NT5M: variants seen among roughly 807,000 people sequenced by gnomAD.
NT5M encodes 5',3'-nucleotidase, mitochondrial.
NT5M carries 22 observed loss-of-function variants against 22.2 expected under a neutral mutation model. The observed-to-expected ratio is 0.99, with a 90% confidence interval of 0.71 to 1.41. The LOEUF is 1.41. Ranked by LOEUF, NT5M falls within the 40% of genes most tolerant of loss-of-function variation. The pLI is 0.00. For missense variants in NT5M, 322 were observed against 314.8 expected, an observed-to-expected ratio of 1.02 and a Z score of -0.17; for synonymous variants, 167 against 133.0, an observed-to-expected ratio of 1.26 and a Z score of -1.76.
chr17:17,329,098 C>T (rs1029631948), intron 3 of NT5M, among the ~76,000 whole-genome samples: 34 of 152,180 alleles, frequency 2.2e-4, no homozygotes, highest in Non-Finnish European at 4.6e-4. Context: ...CTGCCTCAGC[C>T]TCCCGAGTAG....
At chr17:17,321,519 G>A (rs2049150954) in intron 2 of NT5M, among the ~76,000 whole-genome samples, 1 of 151,864 alleles carries the variant, frequency 6.6e-6, no homozygotes, top group African/African-American at 2.4e-5. Context: ...CCACAAGAAG[G>A]TTGAGGAAAT....
chr17:17,318,012 G>T (rs2049068819), intron 2 of NT5M, among the ~76,000 whole-genome samples: 1 of 144,730 alleles, frequency 6.9e-6, no homozygotes, highest in Non-Finnish European at 1.5e-5. Context: ...GTATGAGCCA[G>T]CAATTCAACT....
chr17:17,331,033 G>C (rs1356197146), intron 3 of NT5M, among the ~76,000 whole-genome samples: 1 of 151,604 alleles, frequency 6.6e-6, no homozygotes, highest in Non-Finnish European at 1.5e-5. Flanking sequence ...TGAGCCACTG[G>C]ACCCGGCCTT....
intron 3 of NT5M, among the ~76,000 whole-genome samples, chr17:17,332,869 T>C (rs2049416394): frequency 6.6e-6 from 1 of 152,120 alleles, no homozygotes; most frequent in South Asian, 2.1e-4. Flanking sequence ...GGGGAGGCTG[T>C]GCGTTGTGTG....
chr17:17,306,342 C>T (rs189241777), intron 1 of NT5M, among the ~76,000 whole-genome samples: 4 of 152,272 alleles, frequency 2.6e-5, no homozygotes, highest in African/African-American at 4.8e-5. Flanking sequence ...TGGATCCCGA[C>T]GAAGTCAGGT....
At chr17:17,346,733 C>T in intron 4 of NT5M, 72 bp from the exon 5 acceptor site, 1 of 1,584,206 alleles carries the variant, frequency 6.3e-7, no homozygotes, top group Middle Eastern at 2.2e-4. Context: ...GCCTGGATAC[C>T]CAGGTTTCCA....
chr17:17,328,544 G>A (rs2049309320), intron 3 of NT5M, among the ~76,000 whole-genome samples: 1 of 152,146 alleles, frequency 6.6e-6, no homozygotes, highest in Admixed American at 6.5e-5. Flanking sequence ...GGGGAGGCAA[G>A]GAAGGGCTGG....
Position 17,306,525 on chromosome 17 carries a change from C to G in NT5M, c.268-18C>G. ...TGCTGAGGACCCTGGAAGTAACTTG[C>G]TTTTCTCAACTTCTCAGGAGAAGGC... On this transcript the variant is annotated intron_variant, in intron 1 of 4. Transcript: ENST00000389022. 1.3e-6 allele frequency: 2 copies of G among 1,597,732 alleles called. No individual in the cohort carries two copies. The highest frequency in any genetic ancestry group is 1.7e-6 in the Non-Finnish European group (2 of 1,165,292).
chr17:17,346,604 T>C (rs2049763135), intron 4 of NT5M, among the ~76,000 whole-genome samples: 1 of 152,218 alleles, frequency 6.6e-6, no homozygotes. Flanking sequence ...GAGCACTGGC[T>C]GCGCGTGCTG....
intron 3 of NT5M, among the ~76,000 whole-genome samples, chr17:17,339,918 T>C (rs976611513): frequency 6.6e-6 from 1 of 152,222 alleles, no homozygotes; most frequent in African/African-American, 2.4e-5. Flanking sequence ...TATTTATCAA[T>C]GATATTGGCC....
chr17:17,334,479 T>TG (rs1567896600), intron 3 of NT5M, among the ~76,000 whole-genome samples: 1 of 71,366 alleles, frequency 1.4e-5, no homozygotes, highest in Non-Finnish European at 3.1e-5. Context: ...GTTACTGTAG[T>TG]TTTTTTTTTT....
At chr17:17,324,636 T>C (rs144749627) in intron 3 of NT5M, among the ~76,000 whole-genome samples, 35 of 152,164 alleles carry the variant, frequency 2.3e-4, no homozygotes, top group African/African-American at 8.4e-4. Context: ...CATGTCCTCA[T>C]GACACCTTGT....
intron 3 of NT5M, among the ~76,000 whole-genome samples, chr17:17,341,920 A>T (rs1480985136): frequency 6.6e-6 from 1 of 152,114 alleles, no homozygotes; most frequent in East Asian, 1.9e-4. Context: ...GATCCCAGCT[A>T]CTTGGGAAGC....
chr17:17,346,756 G>C (rs764849746), intron 4 of NT5M, 49 bp from the exon 5 acceptor site: 3 of 1,601,190 alleles, frequency 1.9e-6, no homozygotes, highest in Non-Finnish European at 1.7e-6. Flanking sequence ...CTAGGCGGCT[G>C]CGCTCCAGGT....
At chr17:17,330,596 G>A (rs550059752) in intron 3 of NT5M, among the ~76,000 whole-genome samples, 1 of 151,946 alleles carries the variant, frequency 6.6e-6, no homozygotes, top group South Asian at 2.1e-4. Flanking sequence ...GGCTGGTCTC[G>A]AACTCCTGAC....
chr17:17,307,722 G>A (rs187111700), intron 2 of NT5M, among the ~76,000 whole-genome samples: 1 of 152,286 alleles, frequency 6.6e-6, no homozygotes, highest in East Asian at 1.9e-4. Context: ...TGGGCGTGGC[G>A]GCATGCACAT....
chr17:17,317,978 A>AAAG (rs2049067588), intron 2 of NT5M, among the ~76,000 whole-genome samples: 1 of 112,348 alleles, frequency 8.9e-6, no homozygotes, highest in East Asian at 3.3e-4. Context: ...AAAAAAAAAA[A>AAAG]AAAAAGTTAG....
At chr17:17,311,746 C>A (rs985779647) in intron 2 of NT5M, among the ~76,000 whole-genome samples, 2 of 152,138 alleles carry the variant, frequency 1.3e-5, no homozygotes, top group African/African-American at 4.8e-5. Context: ...TGAGTTGAAT[C>A]GTAGACCTTA....
intron 3 of NT5M, among the ~76,000 whole-genome samples, chr17:17,324,826 C>T (rs1261034060): frequency 1.3e-5 from 2 of 152,192 alleles, no homozygotes; most frequent in Non-Finnish European, 2.9e-5. Flanking sequence ...CTGCGCACCA[C>T]GCACCACCAT....
Sources: allele counts gnomAD v4.1 joint callset (sites outside exome capture counted in the v4.1 genomes callset), GRCh38; gene constraint gnomAD v4.1.1; transcripts MANE v1.5; gene names NCBI Gene and HGNC (gene_info 2026-07-23, HGNC 2026-07-21).